The following C2orf76 variants were observed in gnomAD, a reference collection of about 807,000 sequenced individuals.
C2orf76 encodes the protein chromosome 2 open reading frame 76, also known as UPF0538 protein C2orf76.
A neutral mutation model predicts 16.9 loss-of-function variants in C2orf76; 23 were observed. The ratio of observed to expected loss-of-function variants is 1.36; its 90% confidence interval spans 0.98 to 1.93. The LOEUF is 1.93. Ranked by LOEUF, C2orf76 falls within the 30% of genes most tolerant of loss-of-function variation. The probability of loss-of-function intolerance (pLI) is 0.00; values close to 1 mark genes in which losing one functional copy is unlikely to be tolerated. For synonymous variants in C2orf76, 48 were observed against 52.3 expected (o/e 0.92, Z 0.35); for missense variants, 152 against 152.6 (o/e 1.00, Z 0.02).
intron 5 of C2orf76, among the ~76,000 whole-genome samples, chr2:119,309,398 C>CTTTTTTTTTTTTTTTTTTTTTTTTTTT (rs1193022536): frequency 2.8e-5 from 2 of 71,358 alleles, no homozygotes; most frequent in Non-Finnish European, 5.1e-5. Context: ...TTCTCTTTTT[C>CTTTTTTTTTTTTTTTTTTTTTTTTTTT]TTTTTTTTTT....
At chr2:119,288,816 C>T in the C2orf76 span, among the ~76,000 whole-genome samples, 15 of 152,082 alleles carry the variant, frequency 9.9e-5, no homozygotes, top group African/African-American at 3.6e-4. Flanking sequence ...CCTCTGAGGA[C>T]AAGTCACCTC....
chr2:119,317,557 CA>C, intron 3 of C2orf76, 54 bp from the exon 4 acceptor site: 1 of 1,459,024 alleles, frequency 6.9e-7, no homozygotes, highest in Admixed American at 1.8e-5. Flanking sequence ...AACTTCTTTT[CA>C]AATTATTAAA....
chr2:119,340,275 A>G (rs6730220), intron 1 of C2orf76: 136,309 of 244,976 alleles, frequency 0.56, 38,643 homozygotes, highest in African/African-American at 0.62. Flanking sequence ...ACGTGTGGAA[A>G]CAGAGAAGCA....
intron 1 of C2orf76, among the ~76,000 whole-genome samples, chr2:119,361,778 A>G (rs550475578): frequency 6.6e-6 from 1 of 152,278 alleles, no homozygotes; most frequent in South Asian, 2.1e-4. Context: ...GCCTCTGAGG[A>G]TAAGGAGGGA....
At chr2:119,321,007 A>G (rs1334729723) in intron 3 of C2orf76, 147 bp downstream of exon 3, 2 of 438,922 alleles carry the variant, frequency 4.6e-6, no homozygotes, top group Non-Finnish European at 8.1e-6. Context: ...CATTTCAGCA[A>G]TATACTAGCA....
rs151334378 is a variant in C2orf76, at chr2:119,322,475, T to C, written c.134-1271A>G. 1.7e-3 allele frequency among the ~76,000 whole-genome samples: 258 copies of C among 152,300 alleles called. 3 individuals carry two copies. The highest frequency in any genetic ancestry group is 5.9e-3 in the African/African-American group (247 of 41,574). On this transcript the variant is annotated intron_variant, in intron 2 of 5. Transcript: ENST00000334816. The stretch of plus-strand genomic sequence containing the variant: ...TGCCCACCTTGGCCTCCCAAAGTGC[T>C]GGGATTACAGGCATGAGCTACTATG...
intron 2 of C2orf76, among the ~76,000 whole-genome samples, chr2:119,322,785 C>G (rs143530012): frequency 2.9e-3 from 426 of 149,238 alleles, no homozygotes; most frequent in Non-Finnish European, 4.9e-3. Context: ...TTTTAGGAAG[C>G]TACCTTTTGA....
intron 2 of C2orf76, among the ~76,000 whole-genome samples, chr2:119,338,146 G>A (rs1679909997): frequency 6.6e-6 from 1 of 152,220 alleles, no homozygotes; most frequent in African/African-American, 2.4e-5. Flanking sequence ...CAGAGACCAG[G>A]AAGTGCCCCC....
chr2:119,308,725 C>T (rs1678878532), intron 5 of C2orf76, among the ~76,000 whole-genome samples: 1 of 152,198 alleles, frequency 6.6e-6, no homozygotes, highest in Non-Finnish European at 1.5e-5. Flanking sequence ...TCAAGCTCTA[C>T]ATCAGTGCTT....
chr2:119,286,112 G>C, the C2orf76 span, among the ~76,000 whole-genome samples: 1 of 151,356 alleles, frequency 6.6e-6, no homozygotes, highest in Admixed American at 6.6e-5. Context: ...TGTAGTCCCA[G>C]CTACTTGGGA....
In C2orf76 at chr2:119,311,704, C is replaced by CT. The variant is rs770898429; in HGVS notation, c.223-2dup. On this transcript the variant is annotated splice_acceptor_variant, in intron 4 of 5. Transcript: ENST00000334816. LOFTEE classifies it high-confidence loss of function. ...CCAAACTCAACACAAGTTCATTTGT[C>CT]TAAAAAAAAAAAAGAAAATCTGCAT... The CT allele has an allele frequency of 6.3e-7, 1 of 1,576,922 alleles. No individual in the cohort carries two copies. The highest frequency in any genetic ancestry group is 1.8e-5 in the Admixed American group (1 of 54,654).
At chr2:119,290,206 C>T in the C2orf76 span, among the ~76,000 whole-genome samples, 87 of 151,770 alleles carry the variant, frequency 5.7e-4, 1 homozygote, top group Middle Eastern at 6.8e-3. Context: ...AGCAGAAGAA[C>T]GTCTCCCTGC....
At chr2:119,366,848 C>G (rs1249026936), upstream of C2orf76, 1 of 663,044 alleles carries the variant, frequency 1.5e-6, no homozygotes, top group Non-Finnish European at 2.5e-6. Context: ...CCCACGTGGG[C>G]TCGGGCGGGG....
intron 2 of C2orf76, among the ~76,000 whole-genome samples, chr2:119,323,821 G>A (rs1055630015): frequency 6.6e-6 from 1 of 152,162 alleles, no homozygotes; most frequent in Non-Finnish European, 1.5e-5. Context: ...GTAGGAACAT[G>A]AGCCTGGAGT....
At chr2:119,342,931 G>A (rs149655371) in intron 1 of C2orf76, among the ~76,000 whole-genome samples, 3 of 151,914 alleles carry the variant, frequency 2.0e-5, no homozygotes, top group Non-Finnish European at 2.9e-5. Context: ...CACCAGGCCC[G>A]GCTAATTTTT....
chr2:119,293,718 A>G, the C2orf76 span, among the ~76,000 whole-genome samples: 3 of 152,110 alleles, frequency 2.0e-5, no homozygotes, highest in Non-Finnish European at 4.4e-5. Flanking sequence ...CCCTGGATAT[A>G]CTCTGAACGC....
chr2:119,336,033 TA>T (rs1236192509), intron 2 of C2orf76, among the ~76,000 whole-genome samples: 2 of 152,208 alleles, frequency 1.3e-5, no homozygotes, highest in African/African-American at 4.8e-5. Flanking sequence ...ATTCTGAATC[TA>T]AAAAATACAG....
In C2orf76 at chr2:119,318,748, A is replaced by T. The variant is rs556450831; in HGVS notation, c.185-1245T>A. 5.3e-4 allele frequency among the ~76,000 whole-genome samples: 81 copies of T among 151,920 alleles called. 2 individuals carry two copies. The South Asian group carries it at 0.011, about 20-fold the overall frequency. On this transcript the variant is annotated intron_variant, in intron 3 of 5. Coordinates refer to ENST00000334816, the MANE Select transcript of C2orf76 (RefSeq NM_001322331.2). ...TTTCACCATGTTGGCTAGGTCTCGA[A>T]CTCCTGACCTCAGGTGATCTGCCCT...
Position 119,302,539 on chromosome 2 carries a change from G to C in C2orf76, c.314C>G (p.Thr105Ser). 1 of 1,485,484 alleles carries C rather than the reference G, an allele frequency of 6.7e-7. No homozygotes were observed. The highest frequency in any genetic ancestry group is 9.1e-7 in the Non-Finnish European group (1 of 1,099,218). 92.0% of individuals were successfully genotyped at this position (1,485,484 alleles called of 1,614,324 possible). A position where few individuals can be genotyped will look rare whatever the true frequency, so the allele number is the denominator to read the frequency against. Residue 105 changes from threonine to serine, a missense_variant, in exon 6 of 6, where the codon ACT (threonine) becomes AGT (serine). Transcript: ENST00000334816. Reference protein sequence around the residue: ...TLKAAGIASETEIAFFCEEDY... With the variant: ...TLKAAGIASESEIAFFCEEDY... ...TTCTTCACAGAAGAATGCAATTTCA[G>C]TTTCACTGGCTGAAAAAAAACAGAA... is the stretch of plus-strand genomic sequence containing the variant.
Sources: allele counts gnomAD v4.1 joint callset (sites outside exome capture counted in the v4.1 genomes callset), GRCh38; gene constraint gnomAD v4.1.1; transcripts MANE v1.5; gene names NCBI Gene and HGNC (gene_info 2026-07-23, HGNC 2026-07-21).